Variants in FGD3 observed in about 807,000 individuals in gnomAD.
FGD3 encodes the protein FYVE, RhoGEF and PH domain containing 3.
A neutral mutation model predicts 71.8 loss-of-function variants in FGD3; 45 were observed. The observed-to-expected ratio is 0.63, with a 90% CI of 0.49 to 0.80. The LOEUF (loss-of-function observed/expected upper bound fraction) is 0.80. Ranked by LOEUF, FGD3 falls within the 30% of genes least tolerant of loss-of-function variation. FGD3 has a pLI of 0.00. For synonymous variants in FGD3, 378 were observed against 392.8 expected, an observed-to-expected ratio of 0.96 and a Z score of 0.44; for missense variants, 844 against 951.5, an observed-to-expected ratio of 0.89 and a Z score of 1.49.
Position 93,013,972 on chromosome 9 carries a change from A to AC in FGD3, c.1162dup (p.Gln388ProfsTer102). The AC allele has an allele frequency of 6.2e-7, 1 of 1,606,492 alleles. No individual in the cohort carries two copies. Among genetic ancestry groups the AC allele is most frequent in the Non-Finnish European group, 8.5e-7 (1 of 1,176,808 alleles). ...CCAGAAACTGTCAGCCAAGAACGGCACCCCCCAGGACCGCCACCTCTTCCT... is the reference window on the plus strand; with the variant it reads ...CCAGAAACTGTCAGCCAAGAACGGCACCCCCCCAGGACCGCCACCTCTTCCT... On this transcript the variant is annotated frameshift_variant, in exon 9 of 18. Coordinates refer to ENST00000375482, the MANE Select transcript of FGD3 (RefSeq NM_001083536.2). LOFTEE classifies it high-confidence loss of function.
At chr9:92,964,903 A>T (rs1859257108) in intron 1 of FGD3, among the ~76,000 whole-genome samples, 1 of 152,188 alleles carries the variant, frequency 6.6e-6, no homozygotes. Context: ...AGGCTTTCCC[A>T]CACAGTGTGT....
rs556618714 is a variant in FGD3 at position 92,986,348 on chromosome 9, A to C, written c.453+9639A>C. On this transcript the variant is annotated intron_variant, in intron 3 of 17. Transcript: ENST00000375482. The stretch of plus-strand genomic sequence containing the variant: ...AGATGAGAAGCCTGTTTTTCAGCTA[A>C]CTGCCACAAGGGGGCTGACTCCCCT... Among the ~76,000 whole-genome samples, 1,009 of 152,292 alleles carry C rather than the reference A, an allele frequency of 6.6e-3. 8 individuals are homozygous for C. Among genetic ancestry groups the C allele is most frequent in the African/African-American group, 0.023 (948 of 41,564 alleles).
Position 93,013,869 on chromosome 9 carries a change from C to T in FGD3, c.1053C>T (p.Leu351=). The T allele has an allele frequency of 2.5e-6, 4 of 1,612,968 alleles. No homozygotes were observed. The highest frequency in any genetic ancestry group is 3.4e-6 in the Non-Finnish European group (4 of 1,179,618). The stretch of plus-strand genomic sequence containing the variant: ...TCTTGCAGGAGAAAATGCACAAGCT[C>T]TTGGAGGTGTACGAGCAGCTGGGTG... ...AIRKVEKMHK[L]LEVYEQLGGE... The change falls in exon 9 of 18, where the codon CTC becomes CTT. Residue 351 remains leucine, a synonymous_variant. Coordinates refer to ENST00000375482, the MANE Select transcript of FGD3 (RefSeq NM_001083536.2).
intron 3 of FGD3, among the ~76,000 whole-genome samples, chr9:92,981,839 G>A (rs998688613): frequency 1.7e-4 from 26 of 152,056 alleles, no homozygotes; most frequent in Non-Finnish European, 2.9e-5. Flanking sequence ...GTTGGCAGCA[G>A]TGATTCTTTT....
chr9:92,954,539 A>G (rs1001013912), intron 1 of FGD3, among the ~76,000 whole-genome samples: 25 of 152,264 alleles, frequency 1.6e-4, no homozygotes, highest in African/African-American at 5.8e-4. Context: ...GCAGAAGGGC[A>G]GGGGCCGGGG....
Position 92,976,636 on chromosome 9 carries a change from A to C in FGD3, c.380A>C (p.Asp127Ala), listed in dbSNP as rs745757027. The change falls in exon 3 of 18, where the codon GAC becomes GCC. Residue 127 changes from aspartate to alanine, a missense_variant. Transcript: ENST00000375482. Reference sequence around the variant, plus strand: ...AAGGTCACCCCCCAGGAGGAGGCGGACAGCGACGTGGGTGAGGAACCTGAC... The same window carrying C: ...AAGGTCACCCCCCAGGAGGAGGCGGCCAGCGACGTGGGTGAGGAACCTGAC... ...VPKVTPQEEA[D>A]SDVGEEPDSE... 46 of 1,612,562 alleles carry C rather than the reference A, an allele frequency of 2.9e-5. 1 individual carries two copies. In the South Asian group the frequency reaches 4.6e-4, roughly 16 times the overall value.
intron 13 of FGD3, among the ~76,000 whole-genome samples, chr9:93,021,487 T>C (rs1861917179): frequency 6.6e-6 from 1 of 152,102 alleles, no homozygotes; most frequent in African/African-American, 2.4e-5. Flanking sequence ...CTGGAGTCAC[T>C]GGCCCTGGAC....
chr9:92,962,055 G>A lies in FGD3; in HGVS notation c.-217-13183G>A, dbSNP rs559319039. Among the ~76,000 whole-genome samples the A allele has an allele frequency of 1.2e-3, 185 of 152,304 alleles. 2 individuals carry two copies. Among genetic ancestry groups the A allele is most frequent in the Admixed American group, 5.8e-3 (89 of 15,300 alleles). ...TCACTGGGCCATTGGGGGGCAGGCT[G>A]CCAAAAACATGTTTCTTTTTGAATG... On this transcript the variant is annotated intron_variant, in intron 1 of 17. Transcript: ENST00000375482.
rs12684309 is a variant in FGD3 at position 92,980,318 on chromosome 9, C to T, written c.453+3609C>T. 5.8e-4 allele frequency among the ~76,000 whole-genome samples: 88 copies of T among 152,274 alleles called. No homozygotes were observed. The East Asian group carries it at 0.014, about 25-fold the overall frequency. The stretch of plus-strand genomic sequence containing the variant: ...TACAGGTGTGAGTCACCATTCCCAG[C>T]CTCCTTTTTTCTTAGTTAACCTAGC... On this transcript the variant is annotated intron_variant, in intron 3 of 17. Transcript: ENST00000375482.
At chr9:92,970,754 C>T (rs1859498735) in intron 1 of FGD3, among the ~76,000 whole-genome samples, 1 of 152,166 alleles carries the variant, frequency 6.6e-6, no homozygotes, top group Admixed American at 6.5e-5. Flanking sequence ...TATTTTTCAG[C>T]ATACGTGTGC....
chr9:93,025,070 C>T (rs769029312), intron 14 of FGD3, among the ~76,000 whole-genome samples: 16 of 152,230 alleles, frequency 1.1e-4, no homozygotes, highest in Non-Finnish European at 2.1e-4. Flanking sequence ...AGTCAGTGTC[C>T]GGGCATCTGC....
chr9:93,001,416 G>C (rs980679976), intron 3 of FGD3, among the ~76,000 whole-genome samples: 1 of 152,132 alleles, frequency 6.6e-6, no homozygotes, highest in African/African-American at 2.4e-5. Context: ...TGCTAAGTCT[G>C]ATTAAAAGAG....
At chr9:92,965,525 G>A (rs13293147) in intron 1 of FGD3, among the ~76,000 whole-genome samples, 49,189 of 152,112 alleles carry the variant, frequency 0.32, 8,338 homozygotes, top group Middle Eastern at 0.43. Flanking sequence ...AGGAGGCCCC[G>A]GTTCCACTCC....
chr9:92,970,571 A>AT (rs1271220723), intron 1 of FGD3, among the ~76,000 whole-genome samples: 1 of 152,226 alleles, frequency 6.6e-6, no homozygotes, highest in Non-Finnish European at 1.5e-5. Flanking sequence ...ACTACAGGGA[A>AT]TGTGGCATTT....
chr9:93,009,410 G>A (rs1051841121), intron 6 of FGD3, among the ~76,000 whole-genome samples: 5 of 152,228 alleles, frequency 3.3e-5, no homozygotes, highest in African/African-American at 7.2e-5. Context: ...GCTGGAAGCC[G>A]TTCTGTTCTG....
chr9:93,032,049 T>G (rs1306251150), intron 15 of FGD3, among the ~76,000 whole-genome samples: 1 of 152,226 alleles, frequency 6.6e-6, no homozygotes, highest in Non-Finnish European at 1.5e-5. Context: ...CCCATGCATC[T>G]GAATCACATT....
Position 93,035,361 on chromosome 9 carries a change from C to G in FGD3, c.1950C>G (p.Ile650Met). The G allele has an allele frequency of 6.2e-7, 1 of 1,610,566 alleles. No homozygotes were observed. Among genetic ancestry groups the G allele is most frequent in the East Asian group, 2.2e-5 (1 of 44,794 alleles). Residue 650 changes from isoleucine to methionine, a missense_variant, in exon 18 of 18, where the codon ATC (isoleucine) becomes ATG (methionine). Physicochemically the swap from Ile to Met is conservative, Grantham distance 10. Transcript: ENST00000375482. ...GSQDGRLPRT[I>M]PLPSCKLSVP... ...AGGACGGCCGGCTGCCCCGCACCAT[C>G]CCTCTCCCCAGCTGCAAACTGAGTG...
chr9:93,004,293 CT>C (rs1346168690), intron 5 of FGD3, among the ~76,000 whole-genome samples, 156 bp downstream of exon 5: 1 of 152,214 alleles, frequency 6.6e-6, no homozygotes, highest in African/African-American at 2.4e-5. Flanking sequence ...GACTCCACCC[CT>C]TCCTGGTTGG....
rs528396255 is a variant in FGD3, at chr9:93,031,407, A to G, written c.1681-1362A>G. Among the ~76,000 whole-genome samples, 4 of 152,260 alleles carry G rather than the reference A, an allele frequency of 2.6e-5. No homozygotes were observed. The East Asian group carries it at 7.7e-4, about 29-fold the overall frequency. On this transcript the variant is annotated intron_variant, in intron 15 of 17. Coordinates refer to ENST00000375482, the MANE Select transcript of FGD3 (RefSeq NM_001083536.2). ...CTTGGAGTGAGCGTCCTCATGGCCA[A>G]CCTGGACTTCCCCAGCAGAGGTGGC...
Sources: gnomAD v4.1 joint callset for allele counts (sites outside exome capture counted in the v4.1 genomes callset) on GRCh38, gnomAD v4.1.1 for gene constraint, MANE v1.5 for transcripts, NCBI Gene and HGNC (gene_info 2026-07-23, HGNC 2026-07-21) for gene names.